Variants in SLC13A3 observed in about 807,000 individuals in gnomAD.
The protein encoded by SLC13A3 is Na(+)/dicarboxylate cotransporter 3.
SLC13A3 carries 40 observed loss-of-function variants against 59.0 expected under a neutral mutation model. The observed-to-expected ratio is 0.68, with a 90% CI of 0.53 to 0.88. The LOEUF (loss-of-function observed/expected upper bound fraction) is 0.88. SLC13A3 is among the 40% of genes least tolerant of loss of function. SLC13A3 has a pLI of 0.00. For synonymous variants in SLC13A3, 317 were observed against 330.3 expected (o/e 0.96, Z 0.44); for missense variants, 699 against 783.2 (o/e 0.89, Z 1.28).
intron 4 of SLC13A3, among the ~76,000 whole-genome samples, chr20:46,598,614 C>T (rs916423032): frequency 6.6e-6 from 1 of 152,158 alleles, no homozygotes; most frequent in East Asian, 1.9e-4. Flanking sequence ...GAACTCATGT[C>T]TCAAAGTTGG....
At chr20:46,585,035 C>G (rs2062177438) in intron 8 of SLC13A3, 2 of 630,728 alleles carry the variant, frequency 3.2e-6, no homozygotes, top group South Asian at 1.4e-4. Flanking sequence ...AAGCATTGAA[C>G]ACAATCCAAT....
chr20:46,665,536 A>T (rs1239323469), intron 1 of SLC13A3, among the ~76,000 whole-genome samples: 1 of 152,202 alleles, frequency 6.6e-6, no homozygotes, highest in Non-Finnish European at 1.5e-5. Flanking sequence ...ACTTAACATA[A>T]TGCTTTCAAG....
At chr20:46,616,207 T>C (rs3092098) in intron 1 of SLC13A3, among the ~76,000 whole-genome samples, 35,796 of 151,962 alleles carry the variant, frequency 0.24, 4,625 homozygotes, top group East Asian at 0.45. Flanking sequence ...AAGACCAGAG[T>C]CCATAAATAC....
Position 46,631,609 on chromosome 20 carries a change from G to A in SLC13A3, c.112-17884C>T, listed in dbSNP as rs972097545. Among the ~76,000 whole-genome samples, 13 of 151,994 alleles carry A rather than the reference G, an allele frequency of 8.6e-5. 1 individual carries two copies. The highest frequency in any genetic ancestry group is 7.9e-4 in the Admixed American group (12 of 15,264). On this transcript the variant is annotated intron_variant, in intron 1 of 12. Coordinates refer to ENST00000279027, the MANE Select transcript of SLC13A3 (RefSeq NM_022829.6). ...TGTGGCCACCCTAGTCCTAGCCTTG[G>A]TCCCCAACTCAGCCCCGCTCACACC...
At chr20:46,674,370 G>C (rs76204009), upstream of SLC13A3, among the ~76,000 whole-genome samples, 3,656 of 152,262 alleles carry the variant, frequency 0.024, 135 homozygotes, top group African/African-American at 0.082. Context: ...TGGGGAAGGG[G>C]GCAGGCCTGG....
In SLC13A3 at chr20:46,584,809, T is replaced by C. The variant is rs139053869; in HGVS notation, c.1122-1140A>G. 5.0e-3 allele frequency among the ~76,000 whole-genome samples: 764 copies of C among 152,326 alleles called. 5 individuals are homozygous for C. Among genetic ancestry groups the C allele is most frequent in the African/African-American group, 0.017 (725 of 41,566 alleles). ...ACCTTGAGAAACAGTCGTACTTTTGTACACAGATTATGTGCAACGATGTTC... is the reference window on the plus strand; with the variant it reads ...ACCTTGAGAAACAGTCGTACTTTTGCACACAGATTATGTGCAACGATGTTC... On this transcript the variant is annotated intron_variant, in intron 8 of 12. Coordinates refer to ENST00000279027, the MANE Select transcript of SLC13A3 (RefSeq NM_022829.6).
chr20:46,655,523 A>T (rs994756225), upstream of SLC13A3, among the ~76,000 whole-genome samples: 2 of 147,626 alleles, frequency 1.4e-5, no homozygotes, highest in African/African-American at 2.5e-5. Flanking sequence ...ATATTTTTAT[A>T]TAGTATATAT....
At chr20:46,590,438 C>A (rs1395118444) in intron 6 of SLC13A3, among the ~76,000 whole-genome samples, 4 of 152,040 alleles carry the variant, frequency 2.6e-5, no homozygotes, top group Non-Finnish European at 5.9e-5. Flanking sequence ...ACTCATCTTT[C>A]TAAAATATAA....
intron 9 of SLC13A3, 44 bp from the exon 10 acceptor site, chr20:46,575,729 C>T: frequency 7.7e-7 from 1 of 1,305,616 alleles, no homozygotes; most frequent in East Asian, 2.6e-5. Context: ...GGCCGCTCAG[C>T]CTGAGGCAGA....
chr20:46,623,274 C>A (rs971697618), intron 1 of SLC13A3, among the ~76,000 whole-genome samples: 4 of 152,216 alleles, frequency 2.6e-5, no homozygotes, highest in African/African-American at 7.2e-5. Context: ...CATCTCTATG[C>A]AGAAGAATAA....
chr20:46,591,631 C>T (rs1448917852), intron 6 of SLC13A3, among the ~76,000 whole-genome samples: 17 of 152,114 alleles, frequency 1.1e-4, no homozygotes, highest in Non-Finnish European at 2.9e-5. Flanking sequence ...TTCTCCTCAA[C>T]GTAAGTAGAC....
At chr20:46,660,606 A>G (rs2063023618) in intron 1 of SLC13A3, among the ~76,000 whole-genome samples, 1 of 152,130 alleles carries the variant, frequency 6.6e-6, no homozygotes, top group South Asian at 2.1e-4. Context: ...TGAAACGTTT[A>G]GGTGTAGTGT....
At chr20:46,635,911 C>T (rs1337136695) in intron 1 of SLC13A3, among the ~76,000 whole-genome samples, 3 of 152,202 alleles carry the variant, frequency 2.0e-5, no homozygotes. Flanking sequence ...TGCTAAAAGA[C>T]ACTCCCACCA....
chr20:46,629,878 T>C (rs192134684), intron 1 of SLC13A3, among the ~76,000 whole-genome samples: 4 of 152,348 alleles, frequency 2.6e-5, no homozygotes, highest in Non-Finnish European at 5.9e-5. Context: ...ACAAATCTTC[T>C]AGTATTTATT....
rs899669248 is a variant in SLC13A3, at chr20:46,559,558, G to C, written c.*464C>G. ...ATCACACACTGGTTGTGAACAGCTG[G>C]AACAACTGGGTTGGAACATTGCAGC... On this transcript the variant is annotated 3_prime_UTR_variant, in exon 13 of 13. Transcript: ENST00000279027. 6.5e-6 allele frequency: 1 copy of C among 153,152 alleles called. No homozygotes were observed. Among genetic ancestry groups the C allele is most frequent in the Admixed American group, 6.5e-5 (1 of 15,402 alleles). 9.5% of individuals were successfully genotyped at this position (153,152 alleles called of 1,614,324 possible). A position where few individuals can be genotyped will look rare whatever the true frequency, so the allele number is the denominator to read the frequency against.
intron 5 of SLC13A3, among the ~76,000 whole-genome samples, chr20:46,594,525 A>G (rs1600532472): frequency 1.3e-5 from 2 of 151,916 alleles, no homozygotes; most frequent in Non-Finnish European, 2.9e-5. Context: ...CCAAATGCCT[A>G]CCTTCCCCCT....
chr20:46,651,057 C>T (rs1262383396), intron 1 of SLC13A3, among the ~76,000 whole-genome samples: 1 of 152,086 alleles, frequency 6.6e-6, no homozygotes, highest in Non-Finnish European at 1.5e-5. Flanking sequence ...GTCACTGAAA[C>T]GAAACGAAAT....
chr20:46,604,300 C>T lies in SLC13A3; in HGVS notation c.542-4263G>A, dbSNP rs143134089. 9.8e-3 allele frequency among the ~76,000 whole-genome samples: 1,487 copies of T among 152,242 alleles called. 21 individuals carry two copies. The highest frequency in any genetic ancestry group is 0.017 in the Middle Eastern group (5 of 294). On this transcript the variant is annotated intron_variant, in intron 3 of 12. Coordinates refer to ENST00000279027, the MANE Select transcript of SLC13A3 (RefSeq NM_022829.6). The stretch of plus-strand genomic sequence containing the variant: ...ATCCTGTCCTGGGTTCCTTTTAACA[C>T]CCCCTTCCTGAAATAATCAGGGTAG...
chr20:46,582,119 T>C (rs986876372), intron 9 of SLC13A3, among the ~76,000 whole-genome samples: 1 of 151,964 alleles, frequency 6.6e-6, no homozygotes, highest in African/African-American at 2.4e-5. Context: ...AAGACCCCTG[T>C]TCCTACAAAA....
Sources: allele counts gnomAD v4.1 joint callset (sites outside exome capture counted in the v4.1 genomes callset), GRCh38; gene constraint gnomAD v4.1.1; transcripts MANE v1.5; gene names NCBI Gene and HGNC (gene_info 2026-07-23, HGNC 2026-07-21).